TMC2: variants seen among roughly 807,000 people sequenced by gnomAD.
TMC2 encodes transmembrane channel-like protein 2.
TMC2 carries 102 observed loss-of-function variants against 105.9 expected under a neutral mutation model. That is an observed-to-expected ratio of 0.96 (90% confidence interval 0.82 to 1.14). TMC2 has a LOEUF of 1.14. TMC2 is among the 50% of genes most tolerant of loss of function. The pLI is 0.00. For synonymous variants in TMC2, 402 were observed against 422.8 expected (o/e 0.95, Z 0.60); for missense variants, 1,093 against 1,134.3 (o/e 0.96, Z 0.52).
At chr20:2,603,754 G>A (rs1276134397) in intron 11 of TMC2, among the ~76,000 whole-genome samples, 2 of 152,170 alleles carry the variant, frequency 1.3e-5, no homozygotes, top group Non-Finnish European at 2.9e-5. Flanking sequence ...TATAAGGGGA[G>A]TATCAGTGCC....
At chr20:2,593,275 T>C (rs1360468030) in intron 8 of TMC2, among the ~76,000 whole-genome samples, 1 of 152,026 alleles carries the variant, frequency 6.6e-6, no homozygotes, top group Non-Finnish European at 1.5e-5. Context: ...TCCATTCACC[T>C]CCCACCAGGT....
chr20:2,582,861 C>T (rs529901307), intron 7 of TMC2, among the ~76,000 whole-genome samples: 4 of 152,304 alleles, frequency 2.6e-5, no homozygotes, highest in Admixed American at 2.6e-4. Flanking sequence ...AATTAAACAG[C>T]TCTGAATGTA....
chr20:2,639,326 A>C (rs558610900), intron 19 of TMC2, among the ~76,000 whole-genome samples: 30 of 152,366 alleles, frequency 2.0e-4, no homozygotes, highest in African/African-American at 6.3e-4. Flanking sequence ...AGCAACTTCC[A>C]GTCCTGCAAG....
intron 7 of TMC2, among the ~76,000 whole-genome samples, chr20:2,582,533 T>G (rs2086200911): frequency 6.6e-6 from 1 of 152,148 alleles, no homozygotes; most frequent in African/African-American, 2.4e-5. Flanking sequence ...TGGAGTGCAG[T>G]GGCACAGTCT....
At chr20:2,563,442 A>G (rs1368839353) in intron 4 of TMC2, among the ~76,000 whole-genome samples, 1 of 152,220 alleles carries the variant, frequency 6.6e-6, no homozygotes, top group Admixed American at 6.5e-5. Flanking sequence ...TGCACTGTGT[A>G]ACATATAGCC....
chr20:2,602,199 C>A lies in TMC2; in HGVS notation c.1311C>A (p.Ile437=), dbSNP rs375250500. The A allele has an allele frequency of 1.5e-5, 25 of 1,613,674 alleles. No homozygotes were observed. In the African/African-American group the frequency reaches 3.2e-4, roughly 21 times the overall value. Residue 437 remains isoleucine (I), a synonymous_variant, in exon 11 of 20, where the codon ATC becomes ATA. Transcript: ENST00000358864. ...TTCGTGTCCTGGCCAACTTTCTCAT[C>A]ATCTGCTGTTTGTGTGGAAGTGGGT... ...RFLRVLANFL[I]ICCLCGSGYL...
intron 5 of TMC2, among the ~76,000 whole-genome samples, chr20:2,578,517 C>T (rs984748696): frequency 2.6e-5 from 4 of 152,138 alleles, no homozygotes; most frequent in Non-Finnish European, 4.4e-5. Context: ...CATAGAAAGA[C>T]GGCTGATCAG....
At position 2,602,190 on chromosome 20, in the gene TMC2, C is replaced by T. The variant is rs148538220; in HGVS notation, c.1302C>T (p.Asn434=). 3.1e-5 allele frequency: 50 copies of T among 1,613,532 alleles called. No individual in the cohort carries two copies. Among genetic ancestry groups the T allele is most frequent in the Non-Finnish European group, 4.1e-5 (48 of 1,179,834 alleles). The change falls in exon 11 of 20, where the codon AAC becomes AAT. Residue 434 remains asparagine (N), a synonymous_variant. Coordinates refer to ENST00000358864, the MANE Select transcript of TMC2 (RefSeq NM_080751.3). ...CAAGATTTCTTCGTGTCCTGGCCAA[C>T]TTTCTCATCATCTGCTGTTTGTGTG... is the stretch of plus-strand genomic sequence containing the variant. ...HLTRFLRVLA[N]FLIICCLCGS...
chr20:2,604,907 A>G (rs1002824272), intron 11 of TMC2, among the ~76,000 whole-genome samples: 5 of 152,222 alleles, frequency 3.3e-5, no homozygotes, highest in African/African-American at 9.6e-5. Flanking sequence ...CCTTTGAAAT[A>G]AACAGATAAT....
chr20:2,569,138 T>A (rs760765102), intron 4 of TMC2, among the ~76,000 whole-genome samples: 3 of 152,204 alleles, frequency 2.0e-5, no homozygotes, highest in Non-Finnish European at 2.9e-5. Context: ...GCCCTGGTCA[T>A]AGTATTTGCT....
intron 7 of TMC2, among the ~76,000 whole-genome samples, chr20:2,588,691 T>TTGTGTGTGTG (rs57035040): frequency 0.047 from 6,692 of 143,490 alleles, 193 homozygotes; most frequent in East Asian, 0.063. Context: ...GCATGTGTCT[T>TTGTGTGTGTG]TGTGTGTGTG....
chr20:2,602,235 C>T lies in TMC2; in HGVS notation c.1347C>T (p.Tyr449=). The change falls in exon 11 of 20, where the codon TAC becomes TAT. Residue 449 remains tyrosine, a synonymous_variant. Transcript: ENST00000358864. ...CCLCGSGYLI[Y]FVVKRSQQFS... ...TGTGTGGAAGTGGGTACCTCATTTACTTTGTGGTTAAGCGATCTCAGCAAT... is the reference window on the plus strand; with the variant it reads ...TGTGTGGAAGTGGGTACCTCATTTATTTTGTGGTTAAGCGATCTCAGCAAT... The T allele has an allele frequency of 6.2e-7, 1 of 1,613,244 alleles. No homozygotes were observed.
chr20:2,568,876 G>A (rs2086083062), intron 4 of TMC2, among the ~76,000 whole-genome samples: 1 of 152,094 alleles, frequency 6.6e-6, no homozygotes, highest in Non-Finnish European at 1.5e-5. Flanking sequence ...TCCCAATAAA[G>A]CCAGCCTCAA....
intron 16 of TMC2, among the ~76,000 whole-genome samples, chr20:2,618,931 A>G (rs1412718216): frequency 6.6e-6 from 1 of 152,134 alleles, no homozygotes; most frequent in Non-Finnish European, 1.5e-5. Context: ...TGGATCACTC[A>G]TCCAGGGCTG....
chr20:2,632,685 G>T (rs563497231), intron 17 of TMC2, among the ~76,000 whole-genome samples: 1 of 152,096 alleles, frequency 6.6e-6, no homozygotes, highest in East Asian at 1.9e-4. Context: ...CACCTCCTGG[G>T]CTCAAGCAAT....
chr20:2,631,256 T>C (rs1490579944), intron 17 of TMC2, among the ~76,000 whole-genome samples: 2 of 152,232 alleles, frequency 1.3e-5, no homozygotes, highest in Non-Finnish European at 2.9e-5. Flanking sequence ...AAATTACATC[T>C]TTATACATTT....
chr20:2,610,773 A>G (rs1389620987), intron 12 of TMC2, among the ~76,000 whole-genome samples, 175 bp downstream of exon 12: 2 of 152,108 alleles, frequency 1.3e-5, no homozygotes, highest in Non-Finnish European at 2.9e-5. Flanking sequence ...GACCATTGTT[A>G]ACCTTTTCCT....
At chr20:2,543,542 A>G (rs1046865574) in intron 2 of TMC2, among the ~76,000 whole-genome samples, 12 of 152,220 alleles carry the variant, frequency 7.9e-5, no homozygotes, top group Non-Finnish European at 1.3e-4. Flanking sequence ...TTAGAGCCCA[A>G]ATTGAAGAAT....
At chr20:2,633,525 C>T (rs2086619342) in intron 17 of TMC2, among the ~76,000 whole-genome samples, 1 of 152,216 alleles carries the variant, frequency 6.6e-6, no homozygotes, top group Admixed American at 6.5e-5. Flanking sequence ...ACAATTGCCT[C>T]TGATTGCTTT....
Sources: allele counts gnomAD v4.1 joint callset (sites outside exome capture counted in the v4.1 genomes callset), GRCh38; gene constraint gnomAD v4.1.1; transcripts MANE v1.5; gene names NCBI Gene and HGNC (gene_info 2026-07-23, HGNC 2026-07-21).